GMPR: variants seen among roughly 807,000 people sequenced by gnomAD.
The protein encoded by GMPR is GMP reductase 1.
GMPR carries 31 observed loss-of-function variants against 38.4 expected under a neutral mutation model. The ratio of observed to expected loss-of-function variants is 0.81; its 90% confidence interval spans 0.61 to 1.09. The LOEUF (loss-of-function observed/expected upper bound fraction) is 1.09, where lower values mean the gene tolerates loss of function less well. Ranked by LOEUF, GMPR falls within the 50% of genes least tolerant of loss-of-function variation. GMPR has a pLI of 0.00. For missense variants in GMPR, 468 were observed against 453.7 expected, an observed-to-expected ratio of 1.03 and a Z score of -0.29; for synonymous variants, 162 against 173.3, an observed-to-expected ratio of 0.93 and a Z score of 0.51.
chr6:16,286,638 C>T (rs1040663170), intron 7 of GMPR, among the ~76,000 whole-genome samples: 3 of 151,738 alleles, frequency 2.0e-5, no homozygotes, highest in South Asian at 2.1e-4. Context: ...AGGCTGGGTG[C>T]GGTGGCTCAC....
At chr6:16,294,308 G>A (rs978524264) in intron 8 of GMPR, among the ~76,000 whole-genome samples, 3 of 152,172 alleles carry the variant, frequency 2.0e-5, no homozygotes, top group African/African-American at 4.8e-5. Flanking sequence ...ACAGGGAGTC[G>A]AACTGGGGGT....
chr6:16,285,288 T>C (rs929900800), intron 6 of GMPR, among the ~76,000 whole-genome samples: 1 of 152,218 alleles, frequency 6.6e-6, no homozygotes, highest in African/African-American at 2.4e-5. Context: ...TGGAGGTACC[T>C]GGAAAGATAA....
rs7763622 is a variant in GMPR, at chr6:16,293,824, G to T, written c.858-1182G>T. On this transcript the variant is annotated intron_variant, in intron 8 of 8. Coordinates refer to ENST00000259727, the MANE Select transcript of GMPR (RefSeq NM_006877.4). ...AAAAAAAGATGCTCTTTTTCCAGCT[G>T]AAAAGAACAGCTACAGAAAGTTCCA... 3.0e-3 allele frequency among the ~76,000 whole-genome samples: 450 copies of T among 152,300 alleles called. 3 individuals carry two copies. The highest frequency in any genetic ancestry group is 0.01 in the African/African-American group (426 of 41,582).
chr6:16,280,393 C>T (rs530514902), intron 6 of GMPR, among the ~76,000 whole-genome samples: 1 of 152,264 alleles, frequency 6.6e-6, no homozygotes, highest in African/African-American at 2.4e-5. Flanking sequence ...ATTCATCCAG[C>T]AAGTCTCTAT....
chr6:16,286,381 A>C (rs1759678984), intron 7 of GMPR, among the ~76,000 whole-genome samples: 1 of 151,908 alleles, frequency 6.6e-6, no homozygotes, highest in Non-Finnish European at 1.5e-5. Context: ...CACCACAAGC[A>C]GTAAAGTACG....
intron 1 of GMPR, among the ~76,000 whole-genome samples, chr6:16,244,120 G>T (rs1180233274): frequency 6.6e-6 from 1 of 151,922 alleles, no homozygotes; most frequent in Non-Finnish European, 1.5e-5. Context: ...TTCAGGGTAG[G>T]AGGTTAGAAC....
At chr6:16,291,258 C>T (rs189099436) in intron 8 of GMPR, among the ~76,000 whole-genome samples, 185 of 152,152 alleles carry the variant, frequency 1.2e-3, no homozygotes, top group Admixed American at 7.8e-3. Flanking sequence ...GAGTCGTGCT[C>T]TGTCGCCCAG....
intron 4 of GMPR, chr6:16,262,979 A>G (rs1759117259): frequency 6.6e-6 from 1 of 151,980 alleles, no homozygotes; most frequent in South Asian, 2.1e-4. Flanking sequence ...GGAGGTGATA[A>G]AAGGATTATA....
At chr6:16,290,145 G>A (rs1435386557) in intron 7 of GMPR, 1 of 242,362 alleles carries the variant, frequency 4.1e-6, no homozygotes, top group Non-Finnish European at 8.2e-6. Context: ...TAATGTTTCT[G>A]TGATTCTAAG....
At chr6:16,243,287 CTGATGTGT>C (rs1325927365) in intron 1 of GMPR, among the ~76,000 whole-genome samples, 1 of 152,182 alleles carries the variant, frequency 6.6e-6, no homozygotes, top group Admixed American at 6.5e-5. Context: ...TAAGAGGATT[CTGATGTGT>C]ACCCGGGTGT....
intron 7 of GMPR, among the ~76,000 whole-genome samples, chr6:16,287,814 T>C (rs1759717737): frequency 6.6e-6 from 1 of 152,190 alleles, no homozygotes; most frequent in East Asian, 1.9e-4. Flanking sequence ...GCGTTGTGCT[T>C]TGCTTCCCTG....
At chr6:16,285,856 A>AGAGG (rs1554134402) in intron 7 of GMPR, 21 bp downstream of exon 7, 5 of 1,596,064 alleles carry the variant, frequency 3.1e-6, no homozygotes, top group Non-Finnish European at 4.3e-6. Flanking sequence ...GCCCTGGTGC[A>AGAGG]GAGGGAGGGA....
At chr6:16,290,428 G>A (rs1561836573) in intron 7 of GMPR, 34 bp from the exon 8 acceptor site, 1 of 1,605,614 alleles carries the variant, frequency 6.2e-7, no homozygotes. Flanking sequence ...TGTTTTCTCT[G>A]CTACTCGCTT....
intron 3 of GMPR, among the ~76,000 whole-genome samples, chr6:16,251,771 A>G (rs1400428918): frequency 1.3e-5 from 2 of 152,210 alleles, no homozygotes; most frequent in African/African-American, 4.8e-5. Context: ...TGATGGTTAC[A>G]GAACTCTAAA....
chr6:16,271,875 A>C (rs1351567664), intron 4 of GMPR, among the ~76,000 whole-genome samples: 4 of 152,144 alleles, frequency 2.6e-5, no homozygotes, highest in Non-Finnish European at 5.9e-5. Context: ...TATTTCTCCC[A>C]ACATTATACT....
intron 8 of GMPR, among the ~76,000 whole-genome samples, chr6:16,291,999 G>A (rs185577734): frequency 5.3e-5 from 8 of 152,140 alleles, no homozygotes; most frequent in East Asian, 3.9e-4. Flanking sequence ...GGTTAGCGCC[G>A]ATGACAAGCT....
At chr6:16,273,309 A>G (rs911763422) in intron 4 of GMPR, among the ~76,000 whole-genome samples, 20 of 152,236 alleles carry the variant, frequency 1.3e-4, no homozygotes, top group African/African-American at 4.3e-4. Flanking sequence ...GTAAGGATTC[A>G]TTTTGCAAAA....
At chr6:16,270,872 C>T (rs551508340) in intron 4 of GMPR, among the ~76,000 whole-genome samples, 46 of 152,294 alleles carry the variant, frequency 3.0e-4, no homozygotes, top group Admixed American at 2.9e-3. Context: ...ACTAAAGCGG[C>T]GTCAGCCTTC....
chr6:16,285,707 C>T lies in GMPR; in HGVS notation c.655-86C>T, dbSNP rs1002965841. ...TGGGGGCTGTGGTGGGTCTGAACCC[C>T]CAGTCACTAGGTCATCTGGGGGGAG... On this transcript the variant is annotated intron_variant, in intron 6 of 8. Coordinates refer to ENST00000259727, the MANE Select transcript of GMPR (RefSeq NM_006877.4). The T allele has an allele frequency of 4.4e-6, 5 of 1,123,684 alleles. No homozygotes were observed. The African/African-American group carries it at 7.6e-5, about 17-fold the overall frequency. 69.6% of individuals were successfully genotyped at this position (1,123,684 alleles called of 1,614,324 possible). A position where few individuals can be genotyped will look rare whatever the true frequency, so the allele number is the denominator to read the frequency against.
Sources: gnomAD v4.1 joint callset for allele counts (sites outside exome capture counted in the v4.1 genomes callset) on GRCh38, gnomAD v4.1.1 for gene constraint, MANE v1.5 for transcripts, NCBI Gene and HGNC (gene_info 2026-07-23, HGNC 2026-07-21) for gene names.